The following ZNRF1 variants were observed in gnomAD, a reference collection of about 807,000 sequenced individuals.
ZNRF1 encodes E3 ubiquitin-protein ligase ZNRF1.
Under a neutral mutation model 18.4 loss-of-function variants are expected in ZNRF1, and 3 were observed. That is an observed-to-expected ratio of 0.16 (90% CI 0.07 to 0.42). The LOEUF (loss-of-function observed/expected upper bound fraction) is 0.42. Ranked by LOEUF, ZNRF1 falls within the 10% of genes least tolerant of loss-of-function variation. The probability of loss-of-function intolerance (pLI) is 0.99; values close to 1 mark genes in which losing one functional copy is unlikely to be tolerated. For synonymous variants in ZNRF1, 157 were observed against 144.2 expected (o/e 1.09, Z -0.64); for missense variants, 310 against 329.8 (o/e 0.94, Z 0.47).
intron 1 of ZNRF1, among the ~76,000 whole-genome samples, chr16:75,037,788 A>C (rs1183943330): frequency 1.3e-5 from 2 of 152,206 alleles, no homozygotes; most frequent in Non-Finnish European, 2.9e-5. Flanking sequence ...TACTGAGCTG[A>C]AAACATCTCA....
intron 1 of ZNRF1, among the ~76,000 whole-genome samples, chr16:75,032,771 C>A (rs1220018367): frequency 6.6e-6 from 1 of 152,216 alleles, no homozygotes; most frequent in Non-Finnish European, 1.5e-5. Flanking sequence ...GCCTATAATA[C>A]CAGCACTTTG....
chr16:75,019,239 T>C (rs1328849051), intron 1 of ZNRF1, among the ~76,000 whole-genome samples: 1 of 152,008 alleles, frequency 6.6e-6, no homozygotes, highest in African/African-American at 2.4e-5. Flanking sequence ...TAGAGACTAC[T>C]GTGTTGCTCA....
At chr16:75,019,650 A>C (rs1373111275) in intron 1 of ZNRF1, among the ~76,000 whole-genome samples, 1 of 152,226 alleles carries the variant, frequency 6.6e-6, no homozygotes, top group East Asian at 1.9e-4. Flanking sequence ...ATGTCCTTAC[A>C]TCAAGCTTAT....
At chr16:75,014,954 A>G (rs1160565351) in intron 1 of ZNRF1, among the ~76,000 whole-genome samples, 2 of 152,076 alleles carry the variant, frequency 1.3e-5, no homozygotes, top group African/African-American at 4.8e-5. Context: ...TCTGTGAAAT[A>G]CTTGTTCATG....
chr16:75,093,707 G>T (rs760497026), intron 2 of ZNRF1, 40 bp downstream of exon 2: 39 of 1,556,312 alleles, frequency 2.5e-5, no homozygotes, highest in Non-Finnish European at 3.2e-5. Flanking sequence ...CAGAGCATCC[G>T]TCGGGGGAGC....
At chr16:75,021,239 A>G (rs2035143580) in intron 1 of ZNRF1, among the ~76,000 whole-genome samples, 1 of 151,508 alleles carries the variant, frequency 6.6e-6, no homozygotes, top group Admixed American at 6.6e-5. Context: ...CTCTTTCACC[A>G]CGTTGGCCAG....
In ZNRF1 at chr16:75,090,168, A is replaced by G. The variant is rs553851963; in HGVS notation, c.425-3404A>G. On this transcript the variant is annotated intron_variant, in intron 1 of 4. Transcript: ENST00000335325. ...TGAAAAAAACCCCATGTGAGTGCAG[A>G]GGGACTTAGGCTGGATCGGAAAAGC... Among the ~76,000 whole-genome samples, 19 of 152,312 alleles carry G rather than the reference A, an allele frequency of 1.2e-4. No individual in the cohort carries two copies. In the South Asian group the frequency reaches 3.9e-3, roughly 32 times the overall value.
At chr16:75,006,081 C>T (rs187463480) in intron 1 of ZNRF1, among the ~76,000 whole-genome samples, 12 of 152,272 alleles carry the variant, frequency 7.9e-5, no homozygotes, top group Admixed American at 2.6e-4. Flanking sequence ...TATAGTCTTA[C>T]GGGACCACCA....
intron 1 of ZNRF1, among the ~76,000 whole-genome samples, chr16:75,025,313 C>T (rs1279694762): frequency 6.6e-6 from 1 of 152,098 alleles, no homozygotes; most frequent in East Asian, 1.9e-4. Context: ...TGTGATCCGC[C>T]CATCTCGGCC....
intron 1 of ZNRF1, among the ~76,000 whole-genome samples, chr16:75,081,293 C>T (rs1313939966): frequency 6.6e-6 from 1 of 152,224 alleles, no homozygotes; most frequent in South Asian, 2.1e-4. Context: ...TCTGAGGGCA[C>T]CTGCCAAGAG....
intron 1 of ZNRF1, among the ~76,000 whole-genome samples, chr16:75,091,233 C>T (rs1034032364): frequency 3.3e-5 from 5 of 151,968 alleles, no homozygotes; most frequent in Admixed American, 2.6e-4. Flanking sequence ...GTGGCGCTCA[C>T]CTGTAATCCC....
intron 1 of ZNRF1, among the ~76,000 whole-genome samples, chr16:75,050,981 T>A (rs1461174639): frequency 6.9e-6 from 1 of 145,576 alleles, no homozygotes; most frequent in Non-Finnish European, 1.5e-5. Flanking sequence ...TGGCTTGAGC[T>A]CAGGAGTTTA....
At chr16:75,059,825 G>A (rs1000091016) in intron 1 of ZNRF1, among the ~76,000 whole-genome samples, 1 of 152,058 alleles carries the variant, frequency 6.6e-6, no homozygotes, top group South Asian at 2.1e-4. Context: ...CCTTCAGGCC[G>A]GCTTTGTTTC....
intron 1 of ZNRF1, among the ~76,000 whole-genome samples, chr16:75,016,944 C>A (rs2035080687): frequency 6.6e-6 from 1 of 152,132 alleles, no homozygotes; most frequent in African/African-American, 2.4e-5. Context: ...ATAAGGGAAT[C>A]CAGATAGAAT....
chr16:75,060,845 T>G (rs997851202), intron 1 of ZNRF1, among the ~76,000 whole-genome samples: 8 of 152,120 alleles, frequency 5.3e-5, no homozygotes, highest in African/African-American at 1.9e-4. Context: ...TCATCTCTAT[T>G]TCTCCCCTGT....
chr16:75,014,257 T>C (rs2035037873), intron 1 of ZNRF1, among the ~76,000 whole-genome samples: 1 of 152,182 alleles, frequency 6.6e-6, no homozygotes. Flanking sequence ...TTATTCCCAT[T>C]TTCTCTTTCC....
chr16:75,025,244 A>G (rs2035205450), intron 1 of ZNRF1, among the ~76,000 whole-genome samples: 1 of 151,754 alleles, frequency 6.6e-6, no homozygotes, highest in Non-Finnish European at 1.5e-5. Flanking sequence ...ATTTTTTTGT[A>G]TTTTTAGTAG....
chr16:75,029,918 T>C (rs2035278337), intron 1 of ZNRF1, among the ~76,000 whole-genome samples: 1 of 151,568 alleles, frequency 6.6e-6, no homozygotes, highest in African/African-American at 2.4e-5. Context: ...ATTAGCCAGG[T>C]GTTGTGTTGT....
chr16:75,052,136 C>T (rs2035614644), intron 1 of ZNRF1, among the ~76,000 whole-genome samples: 3 of 152,162 alleles, frequency 2.0e-5, no homozygotes, highest in South Asian at 2.1e-4. Flanking sequence ...TGGTGGCTCA[C>T]GCCTGTTTTT....
Sources: allele counts gnomAD v4.1 joint callset (sites outside exome capture counted in the v4.1 genomes callset), GRCh38; gene constraint gnomAD v4.1.1; transcripts MANE v1.5; gene names NCBI Gene and HGNC (gene_info 2026-07-23, HGNC 2026-07-21).